The following SREBF2 variants were observed in gnomAD, a reference collection of about 807,000 sequenced individuals.
SREBF2 encodes the protein sterol regulatory element binding transcription factor 2, also known as sterol regulatory element-binding protein 2.
SREBF2 carries 55 observed loss-of-function variants against 113.1 expected under a neutral mutation model. That is an observed-to-expected ratio of 0.49 (90% CI 0.39 to 0.61). The LOEUF (loss-of-function observed/expected upper bound fraction) is 0.61. Among genes scored for constraint, SREBF2 ranks in the 20% least tolerant of loss-of-function variants. SREBF2 has a pLI of 0.00. For synonymous variants in SREBF2, 593 were observed against 605.7 expected (o/e 0.98, Z 0.31); for missense variants, 1,349 against 1,487.4 (o/e 0.91, Z 1.53).
At position 41,884,951 on chromosome 22, in the gene SREBF2, C is replaced by A; in HGVS notation, c.2148C>A (p.Ile716=). The A allele has an allele frequency of 6.2e-7, 1 of 1,614,214 alleles. No homozygotes were observed. The highest frequency in any genetic ancestry group is 8.5e-7 in the Non-Finnish European group (1 of 1,180,040). ...EKIPPSTLVE[I]HLTAAMGLKT... is the part of the protein sequence containing the mutation. ...TCCCACCGAGCACACTGGTTGAGATCCATCTGACTGCTGCCATGGGGCTCA... is the reference window on the plus strand; with the variant it reads ...TCCCACCGAGCACACTGGTTGAGATACATCTGACTGCTGCCATGGGGCTCA... Residue 716 remains isoleucine, a synonymous_variant, in exon 11 of 19, where the codon ATC becomes ATA. Coordinates refer to ENST00000361204, the MANE Select transcript of SREBF2 (RefSeq NM_004599.4).
intron 1 of SREBF2, among the ~76,000 whole-genome samples, chr22:41,839,221 A>G (rs1184898046): frequency 6.6e-6 from 1 of 152,142 alleles, no homozygotes; most frequent in Admixed American, 6.6e-5. Context: ...AGAGCTGGTT[A>G]GGGGAAATGA....
chr22:41,843,280 A>G (rs964298587), intron 1 of SREBF2, among the ~76,000 whole-genome samples: 16 of 152,216 alleles, frequency 1.1e-4, no homozygotes, highest in South Asian at 2.1e-4. Context: ...TTGATCGTTC[A>G]CCAGGTTTTG....
chr22:41,838,415 A>T (rs1288365458), intron 1 of SREBF2, among the ~76,000 whole-genome samples: 1 of 152,164 alleles, frequency 6.6e-6, no homozygotes, highest in Admixed American at 6.5e-5. Context: ...AGGGGGTGAC[A>T]TATTAATCAT....
At chr22:41,839,369 G>A in intron 1 of SREBF2, among the ~76,000 whole-genome samples, 1 of 152,136 alleles carries the variant, frequency 6.6e-6, no homozygotes. Context: ...GGAGAGAACT[G>A]GGAGATTAGA....
rs577166323 is a variant in SREBF2 at position 41,840,813 on chromosome 22, CTTG to C, written c.88+7459_88+7461del. ...ACTGGGCCGACAGTCACTGTCCCAA[CTTG>C]TTGGGGCTCTGGAGAGCTGTGTCTG... On this transcript the variant is annotated intron_variant, in intron 1 of 18. Transcript: ENST00000361204. 1.7e-3 allele frequency among the ~76,000 whole-genome samples: 253 copies of C among 152,298 alleles called. 3 individuals are homozygous for C. Among genetic ancestry groups the C allele is most frequent in the South Asian group, 2.7e-3 (13 of 4,822 alleles).
In SREBF2 at chr22:41,892,516, C is replaced by T. The variant is rs569274322; in HGVS notation, c.2209-601C>T. 8.6e-5 allele frequency among the ~76,000 whole-genome samples: 13 copies of T among 151,782 alleles called. No homozygotes were observed. In the South Asian group the frequency reaches 1.0e-3, roughly 12 times the overall value. On this transcript the variant is annotated intron_variant, in intron 11 of 18. Transcript: ENST00000361204. ...TACAAAAATTAGCCGGGCATGGTGG[C>T]GCGCGCCTGTAGTCCCAGCTACACG...
chr22:41,846,250 G>T (rs937991068), intron 1 of SREBF2, among the ~76,000 whole-genome samples: 4 of 152,220 alleles, frequency 2.6e-5, no homozygotes, highest in African/African-American at 7.2e-5. Flanking sequence ...GTGGTTCTTG[G>T]AGTGACTAGA....
At position 41,878,063 on chromosome 22, in the gene SREBF2, C is replaced by A; in HGVS notation, c.1701C>A (p.His567Gln). The change falls in exon 9 of 19, where the codon CAC (histidine) becomes CAA (glutamine). Residue 567 changes from histidine (H) to glutamine (Q), a missense_variant. Coordinates refer to ENST00000361204, the MANE Select transcript of SREBF2 (RefSeq NM_004599.4). Reference protein sequence around the residue: ...LVHGEPVIRPHSRSSVTFWRH... With the variant: ...LVHGEPVIRPQSRSSVTFWRH... ...ATGGGGAGCCAGTGATCCGGCCACA[C>A]TCGCGCTCCTCGGTCACCTTCTGGA... 2 of 1,614,178 alleles carry A rather than the reference C, an allele frequency of 1.2e-6. No homozygotes were observed.
At position 41,875,437 on chromosome 22, in the gene SREBF2, C is replaced by A. The variant is rs776532698; in HGVS notation, c.1190C>A (p.Ala397Glu). 1.2e-6 allele frequency: 2 copies of A among 1,614,236 alleles called. No homozygotes were observed. Among genetic ancestry groups the A allele is most frequent in the Admixed American group, 3.3e-5 (2 of 60,036 alleles). ...CAGGAGAACATGGTGCTGAAGCTGG[C>A]AAATCAAAAGAACAGTAAGTGTGCT... ...LRQENMVLKL[A>E]NQKNKLLKGI... The change falls in exon 6 of 19, where the codon GCA becomes GAA. Residue 397 changes from alanine (A) to glutamate (E), a missense_variant. Coordinates refer to ENST00000361204, the MANE Select transcript of SREBF2 (RefSeq NM_004599.4).
chr22:41,850,033 G>C (rs34587252), intron 1 of SREBF2, among the ~76,000 whole-genome samples: 2 of 151,506 alleles, frequency 1.3e-5, no homozygotes, highest in Admixed American at 1.3e-4. Flanking sequence ...CCAGCTACTC[G>C]GGAGGCTGAG....
At chr22:41,856,372 GGCCACCTCA>G (rs960467579) in intron 1 of SREBF2, among the ~76,000 whole-genome samples, 19 of 151,820 alleles carry the variant, frequency 1.3e-4, no homozygotes, top group African/African-American at 4.6e-4. Flanking sequence ...TGAGCGATCT[GGCCACCTCA>G]GCCTCTCAAA....
At chr22:41,837,874 AAG>A (rs1232599999) in intron 1 of SREBF2, among the ~76,000 whole-genome samples, 3 of 151,146 alleles carry the variant, frequency 2.0e-5, no homozygotes, top group African/African-American at 7.3e-5. Flanking sequence ...AAAAAAAAAA[AAG>A]AAAGAAAGAA....
At chr22:41,875,887 A>G (rs1024569344) in intron 7 of SREBF2, among the ~76,000 whole-genome samples, 163 bp downstream of exon 7, 1 of 152,256 alleles carries the variant, frequency 6.6e-6, no homozygotes, top group African/African-American at 2.4e-5. Context: ...GAATAAAGAA[A>G]GAAAAAACTG....
rs780812999 is a variant in SREBF2 at position 41,893,132 on chromosome 22, C to T, written c.2224C>T (p.Arg742Ter). The T allele has an allele frequency of 3.1e-6, 5 of 1,613,784 alleles. No individual in the cohort carries two copies. Among genetic ancestry groups the T allele is most frequent in the Non-Finnish European group, 2.5e-6 (3 of 1,180,044 alleles). Reference sequence around the variant, plus strand: ...CCTTCCACAGAGCTACTTCCTCAGCCGAGCCCAGAGCCTGTGTGGCCCCGA... The same window carrying T: ...CCTTCCACAGAGCTACTTCCTCAGCTGAGCCCAGAGCCTGTGTGGCCCCGA... ...LGFLASYFLSRAQSLCGPEHS... is the reference protein window; with the variant it reads ...LGFLASYFLS Residue 742 changes from arginine (R) to a stop codon, truncating the protein, a stop_gained, in exon 12 of 19, where the codon CGA becomes TGA. Transcript: ENST00000361204. LOFTEE classifies it high-confidence loss of function.
chr22:41,904,787 G>A, intron 17 of SREBF2, 76 bp from the exon 18 acceptor site: 1 of 1,209,634 alleles, frequency 8.3e-7, no homozygotes, highest in Admixed American at 2.0e-5. Context: ...AGGCGAGATG[G>A]CTCAGGGAGA....
At position 41,875,714 on chromosome 22, in the gene SREBF2, A is replaced by T; in HGVS notation, c.1376A>T (p.Asp459Val). 1 of 1,614,144 alleles carries T rather than the reference A, an allele frequency of 6.2e-7. No homozygotes were observed. Among genetic ancestry groups the T allele is most frequent in the Non-Finnish European group, 8.5e-7 (1 of 1,180,028 alleles). Residue 459 changes from aspartate (D) to valine (V), a missense_variant, in exon 7 of 19, where the codon GAT (aspartate) becomes GTT (valine). This residue lies in a region of SREBF2 where 699 missense variants were observed against 843.3 expected (regional missense o/e 0.83). Coordinates refer to ENST00000361204, the MANE Select transcript of SREBF2 (RefSeq NM_004599.4). ...TCTGAGCCAGGAAGCCCTCTATTGG[A>T]TGATGCAAAGGTACAGACTTTTGAA... is the stretch of plus-strand genomic sequence containing the variant. ...IDSEPGSPLL[D>V]DAKVKDEPDS...
chr22:41,895,047 G>T, intron 13 of SREBF2, 110 bp downstream of exon 13: 2 of 827,418 alleles, frequency 2.4e-6, no homozygotes, highest in Admixed American at 3.9e-5. Flanking sequence ...CATCGGGTTG[G>T]CAGGGCAATC....
At chr22:41,865,134 C>G (rs887613663) in intron 1 of SREBF2, among the ~76,000 whole-genome samples, 4 of 110,384 alleles carry the variant, frequency 3.6e-5, no homozygotes, top group African/African-American at 1.9e-4. Flanking sequence ...CAGGCCCCCA[C>G]ATCCCCCAAA....
In SREBF2 at chr22:41,873,961, C is replaced by T; in HGVS notation, c.1031C>T (p.Ser344Phe). ...AATATCATTGAGAAACGATATCGCT[C>T]CTCCATCAATGACAAAATCATCGAA... Reference protein sequence around the residue: ...THNIIEKRYRSSINDKIIELK... With the variant: ...THNIIEKRYRFSINDKIIELK... Residue 344 changes from serine (S) to phenylalanine (F), a missense_variant, in exon 5 of 19, where the codon TCC becomes TTC. Physicochemically the swap from Ser to Phe is radical, Grantham distance 155. Transcript: ENST00000361204. 2 of 1,614,124 alleles carry T rather than the reference C, an allele frequency of 1.2e-6. No individual in the cohort carries two copies. The highest frequency in any genetic ancestry group is 1.7e-6 in the Non-Finnish European group (2 of 1,180,026).
Sources: allele counts gnomAD v4.1 joint callset (sites outside exome capture counted in the v4.1 genomes callset), GRCh38; gene constraint gnomAD v4.1.1; regional missense constraint gnomAD v4.1.1; transcripts MANE v1.5; gene names NCBI Gene and HGNC (gene_info 2026-07-23, HGNC 2026-07-21).